LYPD6: variants seen among roughly 807,000 people sequenced by gnomAD.
The protein encoded by LYPD6 is LY6/PLAUR domain containing 6, also known as ly6/PLAUR domain-containing protein 6.
In LYPD6, 15 loss-of-function variants were observed where a neutral mutation model predicts 22.7. That is an observed-to-expected ratio of 0.66 (90% confidence interval 0.44 to 1.02). The LOEUF (loss-of-function observed/expected upper bound fraction) is 1.02, where lower values mean the gene tolerates loss of function less well. LYPD6 is among the 50% of genes least tolerant of loss of function. LYPD6 has a pLI of 0.00. For synonymous variants in LYPD6, 72 were observed against 77.5 expected (o/e 0.93, Z 0.37); for missense variants, 189 against 208.4 (o/e 0.91, Z 0.57).
chr2:149,437,319 C>T (rs892635658), intron 1 of LYPD6, among the ~76,000 whole-genome samples: 2 of 152,114 alleles, frequency 1.3e-5, no homozygotes, highest in Non-Finnish European at 2.9e-5. Flanking sequence ...ACTTCTTTAT[C>T]GTACTCTGGC....
chr2:149,361,212 C>T (rs777391373), intron 1 of LYPD6, among the ~76,000 whole-genome samples: 2 of 152,094 alleles, frequency 1.3e-5, no homozygotes, highest in Non-Finnish European at 2.9e-5. Flanking sequence ...GGGAGGTAAC[C>T]AGGAAAAGCG....
At chr2:149,412,217 C>T (rs995448816) in intron 1 of LYPD6, among the ~76,000 whole-genome samples, 5 of 152,130 alleles carry the variant, frequency 3.3e-5, no homozygotes, top group African/African-American at 1.2e-4. Flanking sequence ...AAATGAGACT[C>T]TCTTTTCCCA....
chr2:149,457,646 A>G (rs1680992338), intron 3 of LYPD6, among the ~76,000 whole-genome samples: 1 of 152,218 alleles, frequency 6.6e-6, no homozygotes, highest in Non-Finnish European at 1.5e-5. Flanking sequence ...ATGTCCTACA[A>G]TTCACAGAGC....
chr2:149,377,190 CT>C (rs1681940689), intron 1 of LYPD6, among the ~76,000 whole-genome samples: 1 of 149,810 alleles, frequency 6.7e-6, no homozygotes, highest in Admixed American at 6.7e-5. Flanking sequence ...TGACTCTTTT[CT>C]TTCTTTTTTC....
intron 1 of LYPD6, among the ~76,000 whole-genome samples, chr2:149,407,956 G>A (rs1573781429): frequency 6.6e-6 from 1 of 152,198 alleles, no homozygotes; most frequent in East Asian, 1.9e-4. Flanking sequence ...CTAACAGACA[G>A]GACCTTCAGC....
At chr2:149,452,036 AT>A (rs1680836790) in intron 3 of LYPD6, among the ~76,000 whole-genome samples, 1 of 152,174 alleles carries the variant, frequency 6.6e-6, no homozygotes, top group Non-Finnish European at 1.5e-5. Context: ...TGCTGAGAAG[AT>A]TGCAGTAGCT....
intron 1 of LYPD6, among the ~76,000 whole-genome samples, chr2:149,352,172 A>G (rs1279429755): frequency 1.3e-5 from 2 of 152,124 alleles, no homozygotes; most frequent in Non-Finnish European, 1.5e-5. Flanking sequence ...TAACGATAAA[A>G]AATGCTATAA....
intron 1 of LYPD6, among the ~76,000 whole-genome samples, chr2:149,357,304 C>T (rs1246952327): frequency 6.6e-6 from 1 of 152,236 alleles, no homozygotes; most frequent in South Asian, 2.1e-4. Flanking sequence ...GCACTTTTTG[C>T]AGGAAAAGGC....
At position 149,406,272 on chromosome 2, in the gene LYPD6, C is replaced by T. The variant is rs571402038; in HGVS notation, c.-71-31366C>T. On this transcript the variant is annotated intron_variant, in intron 1 of 4. Transcript: ENST00000334166. ...GGTCCACTTGGTGCAGAGCTGAGTT[C>T]AATTCCTGGGTATCTTGTTAACTTT... 2.6e-5 allele frequency among the ~76,000 whole-genome samples: 4 copies of T among 152,122 alleles called. No individual in the cohort carries two copies. The South Asian group carries it at 8.3e-4, about 32-fold the overall frequency.
At chr2:149,397,086 G>A (rs1682443566) in intron 1 of LYPD6, among the ~76,000 whole-genome samples, 1 of 152,134 alleles carries the variant, frequency 6.6e-6, no homozygotes, top group Admixed American at 6.5e-5. Flanking sequence ...TTCTATCTGT[G>A]GTTGGTTCAC....
intron 1 of LYPD6, among the ~76,000 whole-genome samples, chr2:149,409,669 A>G (rs1682810600): frequency 6.6e-6 from 1 of 151,988 alleles, no homozygotes; most frequent in Non-Finnish European, 1.5e-5. Flanking sequence ...CAGTGGAGTT[A>G]TATTCCCAGG....
chr2:149,426,132 T>A (rs981713158), intron 1 of LYPD6, among the ~76,000 whole-genome samples: 1 of 152,168 alleles, frequency 6.6e-6, no homozygotes, highest in South Asian at 2.1e-4. Context: ...GCTGTTTGAA[T>A]TTTTTTTCTT....
intron 1 of LYPD6, among the ~76,000 whole-genome samples, chr2:149,382,474 CT>C (rs1352290377): frequency 6.6e-6 from 1 of 152,180 alleles, no homozygotes; most frequent in African/African-American, 2.4e-5. Flanking sequence ...AAAATCAACT[CT>C]TTGGCATACT....
chr2:149,377,711 C>T (rs371755187), intron 1 of LYPD6, among the ~76,000 whole-genome samples: 4 of 151,466 alleles, frequency 2.6e-5, no homozygotes, highest in African/African-American at 4.8e-5. Context: ...TTCTGGGAGG[C>T]GGAGGTTGCA....
At chr2:149,454,514 A>G (rs987117459) in intron 3 of LYPD6, among the ~76,000 whole-genome samples, 2 of 152,154 alleles carry the variant, frequency 1.3e-5, no homozygotes, top group African/African-American at 4.8e-5. Flanking sequence ...ATTGAAGGAC[A>G]TTTGGGTTGT....
chr2:149,398,104 T>C (rs1682465183), intron 1 of LYPD6, among the ~76,000 whole-genome samples: 1 of 152,182 alleles, frequency 6.6e-6, no homozygotes, highest in African/African-American at 2.4e-5. Flanking sequence ...TTCTAGCAAG[T>C]ACCATAGTTT....
At chr2:149,449,346 T>A (rs1012250270) in intron 3 of LYPD6, among the ~76,000 whole-genome samples, 199 bp downstream of exon 3, 1 of 152,238 alleles carries the variant, frequency 6.6e-6, no homozygotes, top group African/African-American at 2.4e-5. Context: ...GATTGTTTCC[T>A]TTCTCATGAA....
At chr2:149,465,437 G>A (rs1366981672) in intron 3 of LYPD6, among the ~76,000 whole-genome samples, 1 of 152,114 alleles carries the variant, frequency 6.6e-6, no homozygotes, top group Admixed American at 6.6e-5. Context: ...AGTATAATTC[G>A]TAATATTACT....
At chr2:149,381,817 A>G (rs938734236) in intron 1 of LYPD6, among the ~76,000 whole-genome samples, 4 of 152,210 alleles carry the variant, frequency 2.6e-5, no homozygotes, top group Non-Finnish European at 4.4e-5. Context: ...CACAGCTTGA[A>G]GTCAAAGTGT....
Sources: allele counts gnomAD v4.1 joint callset (sites outside exome capture counted in the v4.1 genomes callset), GRCh38; gene constraint gnomAD v4.1.1; transcripts MANE v1.5; gene names NCBI Gene and HGNC (gene_info 2026-07-23, HGNC 2026-07-21).